Variants in ELF2 observed in about 807,000 individuals in gnomAD.
ELF2 encodes E74 like ETS transcription factor 2.
ELF2 carries 11 observed loss-of-function variants against 54.8 expected under a neutral mutation model. The ratio of observed to expected loss-of-function variants is 0.20; its 90% CI spans 0.13 to 0.33. The LOEUF is 0.33. Ranked by LOEUF, ELF2 falls within the 10% of genes least tolerant of loss-of-function variation. The pLI is 1.00. For missense variants in ELF2, 513 were observed against 703.0 expected (o/e 0.73, Z 3.06); for synonymous variants, 203 against 245.1 (o/e 0.83, Z 1.61).
intron 4 of ELF2, among the ~76,000 whole-genome samples, chr4:139,095,185 A>AT (rs200556112): frequency 0.19 from 27,243 of 139,980 alleles, 2,746 homozygotes; most frequent in South Asian, 0.33. Context: ...TTTGCTATAG[A>AT]TTTTTTTTTT....
chr4:139,130,098 A>G (rs1457857026), intron 3 of ELF2, among the ~76,000 whole-genome samples: 2 of 152,118 alleles, frequency 1.3e-5, no homozygotes, highest in African/African-American at 4.8e-5. Flanking sequence ...ACTCTGAGAC[A>G]CACAAATGGG....
At chr4:139,067,889 AT>A in intron 6 of ELF2, 119 bp from the exon 7 acceptor site, 1 of 945,988 alleles carries the variant, frequency 1.1e-6, no homozygotes, top group Non-Finnish European at 1.5e-6. Context: ...GTAGATGAAT[AT>A]ACTCTATGAA....
At chr4:139,070,155 A>C (rs1212136914) in intron 6 of ELF2, among the ~76,000 whole-genome samples, 1 of 151,814 alleles carries the variant, frequency 6.6e-6, no homozygotes, top group Non-Finnish European at 1.5e-5. Flanking sequence ...GTAATTTTTA[A>C]ATGGTCACTA....
chr4:139,074,847 A>G (rs1184659313), intron 4 of ELF2, among the ~76,000 whole-genome samples: 2 of 152,148 alleles, frequency 1.3e-5, no homozygotes, highest in Non-Finnish European at 2.9e-5. Flanking sequence ...TAAATACTAC[A>G]GCATTTTGTA....
chr4:139,161,512 T>C (rs1405263893), intron 1 of ELF2, among the ~76,000 whole-genome samples: 1 of 152,086 alleles, frequency 6.6e-6, no homozygotes, highest in African/African-American at 2.4e-5. Flanking sequence ...AAAATCTCCA[T>C]ACATTTAACT....
chr4:139,123,221 G>A (rs551122227), intron 4 of ELF2, among the ~76,000 whole-genome samples: 1 of 151,046 alleles, frequency 6.6e-6, no homozygotes, highest in African/African-American at 2.4e-5. Flanking sequence ...GATGGAACAT[G>A]TACAATGAAT....
intron 3 of ELF2, among the ~76,000 whole-genome samples, chr4:139,134,768 A>C (rs1737959275): frequency 1.3e-5 from 2 of 151,066 alleles, no homozygotes; most frequent in Non-Finnish European, 2.9e-5. Context: ...CTGGTCTTGA[A>C]CTCCTGTCCT....
intron 1 of ELF2, among the ~76,000 whole-genome samples, chr4:139,161,777 C>T (rs868361872): frequency 9.9e-5 from 15 of 151,432 alleles, no homozygotes; most frequent in African/African-American, 3.6e-4. Context: ...TCAAGACCAG[C>T]CTGCCCAACA....
chr4:139,091,983 C>G (rs1732637434), intron 4 of ELF2, among the ~76,000 whole-genome samples: 1 of 148,040 alleles, frequency 6.8e-6, no homozygotes, highest in Non-Finnish European at 1.5e-5. Flanking sequence ...TACATATATA[C>G]ATATATACAC....
intron 4 of ELF2, chr4:139,084,459 C>CGGCGGCTGT (rs1553957949): frequency 4.8e-5 from 55 of 1,150,610 alleles, no homozygotes; most frequent in South Asian, 7.3e-5. Context: ...GCGGCGGCGG[C>CGGCGGCTGT]GGCTGTGGCT....
At chr4:139,097,310 C>G (rs147983472) in intron 4 of ELF2, among the ~76,000 whole-genome samples, 31 of 152,204 alleles carry the variant, frequency 2.0e-4, no homozygotes, top group African/African-American at 7.5e-4. Context: ...CAGGTGTGCA[C>G]CCACACCCAG....
At chr4:139,068,203 G>A (rs1053861092) in intron 6 of ELF2, among the ~76,000 whole-genome samples, 1 of 152,080 alleles carries the variant, frequency 6.6e-6, no homozygotes, top group African/African-American at 2.4e-5. Context: ...TGTATTTTTA[G>A]TAGAGACGGG....
intron 6 of ELF2, among the ~76,000 whole-genome samples, chr4:139,069,151 G>A (rs966314434): frequency 1.3e-5 from 2 of 152,062 alleles, no homozygotes; most frequent in African/African-American, 4.8e-5. Flanking sequence ...TTACAGACAC[G>A]AGCCACAGCA....
intron 4 of ELF2, among the ~76,000 whole-genome samples, chr4:139,119,774 TG>T (rs998871452): frequency 6.6e-6 from 1 of 152,094 alleles, no homozygotes; most frequent in African/African-American, 2.4e-5. Context: ...GCATCTTTTT[TG>T]TTTATCTGAT....
intron 1 of ELF2, among the ~76,000 whole-genome samples, chr4:139,147,906 C>T (rs545096336): frequency 2.0e-4 from 30 of 151,716 alleles, no homozygotes; most frequent in African/African-American, 6.8e-4. Context: ...CCTGTCTCAG[C>T]CTCCCGAGTA....
At chr4:139,113,380 G>C (rs1328205091) in intron 4 of ELF2, among the ~76,000 whole-genome samples, 1 of 152,042 alleles carries the variant, frequency 6.6e-6, no homozygotes, top group East Asian at 1.9e-4. Context: ...AATTGGCTGA[G>C]TGCAGTGGCT....
intron 6 of ELF2, among the ~76,000 whole-genome samples, chr4:139,069,817 GGTA>G (rs1729249879): frequency 6.6e-6 from 1 of 151,688 alleles, no homozygotes; most frequent in Non-Finnish European, 1.5e-5. Context: ...TCTCCCTTAT[GGTA>G]GTAAGTACAG....
rs7668256 is a variant in ELF2 at position 139,152,155 on chromosome 4, T to C, written c.-251-12658A>G. Reference sequence around the variant, plus strand: ...CTTCATTGTGGTGGTGACTGCAAAATAGTATAAATTTGCCACTCATAAAAA... The same window carrying C: ...CTTCATTGTGGTGGTGACTGCAAAACAGTATAAATTTGCCACTCATAAAAA... On this transcript the variant is annotated intron_variant, in intron 1 of 9. Coordinates refer to ENST00000686138, the MANE Select transcript of ELF2 (RefSeq NM_001331036.3). Among the ~76,000 whole-genome samples, 1,108 of 152,306 alleles carry C rather than the reference T, an allele frequency of 7.3e-3. 21 individuals are homozygous for C. Among genetic ancestry groups the C allele is most frequent in the African/African-American group, 0.025 (1,040 of 41,560 alleles).
Position 139,061,951 on chromosome 4 carries a change from C to G in ELF2, c.720G>C (p.Leu240=). The change falls in exon 8 of 10, where the codon CTG becomes CTC. Residue 240 remains leucine (L), a synonymous_variant. Coordinates refer to ENST00000686138, the MANE Select transcript of ELF2 (RefSeq NM_001331036.3). ...GCTTAGAGACAGCCTTTGAATCCACCAGCTTGAATATGCCTTTTTCTCTCT... is the reference window on the plus strand; with the variant it reads ...GCTTAGAGACAGCCTTTGAATCCACGAGCTTGAATATGCCTTTTTCTCTCT... ...WTQREKGIFK[L]VDSKAVSKLW... is the part of the protein sequence containing the mutation. 6.2e-7 allele frequency: 1 copy of G among 1,613,902 alleles called. No homozygotes were observed. The highest frequency in any genetic ancestry group is 8.5e-7 in the Non-Finnish European group (1 of 1,179,878).
Sources: gnomAD v4.1 joint callset for allele counts (sites outside exome capture counted in the v4.1 genomes callset) on GRCh38, gnomAD v4.1.1 for gene constraint, MANE v1.5 for transcripts, NCBI Gene and HGNC (gene_info 2026-07-23, HGNC 2026-07-21) for gene names.